The following GABRB1 variants were observed in gnomAD, a reference collection of about 807,000 sequenced individuals.
GABRB1 encodes gamma-aminobutyric acid receptor subunit beta-1.
A neutral mutation model predicts 51.6 loss-of-function variants in GABRB1; 17 were observed. The observed-to-expected ratio is 0.33, with a 90% confidence interval of 0.23 to 0.49. The LOEUF is 0.49. Ranked by LOEUF, GABRB1 falls within the 20% of genes least tolerant of loss-of-function variation. The pLI is 0.99. For synonymous variants in GABRB1, 247 were observed against 218.9 expected (o/e 1.13, Z -1.14); for missense variants, 410 against 600.6 (o/e 0.68, Z 3.32).
intron 4 of GABRB1, among the ~76,000 whole-genome samples, chr4:47,227,162 C>T (rs1038601845): frequency 1.3e-5 from 2 of 152,120 alleles, no homozygotes; most frequent in Non-Finnish European, 2.9e-5. Context: ...TTAAATCTGG[C>T]TCTGCAGCTT....
At chr4:47,154,523 G>A (rs988906615) in intron 3 of GABRB1, among the ~76,000 whole-genome samples, 1 of 151,986 alleles carries the variant, frequency 6.6e-6, no homozygotes, top group Admixed American at 6.6e-5. Flanking sequence ...AGTTCAGGGA[G>A]GTGGGCTAGA....
chr4:47,158,753 G>A (rs879490115), intron 3 of GABRB1, among the ~76,000 whole-genome samples: 9 of 151,928 alleles, frequency 5.9e-5, no homozygotes, highest in Admixed American at 4.6e-4. Flanking sequence ...ATGGCCAACT[G>A]AGTCCATCTG....
chr4:47,089,189 G>A (rs1231582401), intron 3 of GABRB1, among the ~76,000 whole-genome samples: 1 of 152,158 alleles, frequency 6.6e-6, no homozygotes, highest in Non-Finnish European at 1.5e-5. Flanking sequence ...GGGATCTCTA[G>A]TTTGCAGTCT....
chr4:47,121,903 T>A (rs762239017), intron 3 of GABRB1, among the ~76,000 whole-genome samples: 68 of 152,218 alleles, frequency 4.5e-4, no homozygotes, highest in Non-Finnish European at 8.2e-4. Flanking sequence ...TGCATTTAAT[T>A]TCTTAAAGCT....
chr4:47,046,243 C>A (rs973443934), intron 3 of GABRB1, among the ~76,000 whole-genome samples: 9 of 152,014 alleles, frequency 5.9e-5, no homozygotes, highest in Non-Finnish European at 8.8e-5. Context: ...TTCTTCATAG[C>A]AGGGTGAGGA....
Position 47,078,459 on chromosome 4 carries a change from G to GT in GABRB1, c.240+45976dup, listed in dbSNP as rs1165579406. ...TAACTTTTCACCATTTTTATTCAAA[G>GT]TAATCTTAGCTTAATTTAAATTATT... On this transcript the variant is annotated intron_variant, in intron 3 of 8. Transcript: ENST00000295454. Among the ~76,000 whole-genome samples, 8 of 152,082 alleles carry GT rather than the reference G, an allele frequency of 5.3e-5. No homozygotes were observed. In the East Asian group the frequency reaches 1.5e-3, roughly 29 times the overall value.
intron 5 of GABRB1, among the ~76,000 whole-genome samples, chr4:47,329,386 T>G (rs944938003): frequency 6.7e-6 from 1 of 149,848 alleles, no homozygotes; most frequent in Non-Finnish European, 1.5e-5. Context: ...AAATATATAA[T>G]GTATAATATA....
At chr4:47,202,086 T>C (rs1577997107) in intron 4 of GABRB1, among the ~76,000 whole-genome samples, 2 of 152,218 alleles carry the variant, frequency 1.3e-5, no homozygotes, top group South Asian at 4.2e-4. Flanking sequence ...ATCTCATCCA[T>C]AATCCCTATA....
intron 4 of GABRB1, among the ~76,000 whole-genome samples, chr4:47,183,333 T>C (rs912265027): frequency 9.1e-6 from 1 of 110,170 alleles, no homozygotes; most frequent in Non-Finnish European, 1.8e-5. Flanking sequence ...ATCTTATCTG[T>C]ATGTGTGTGT....
intron 5 of GABRB1, among the ~76,000 whole-genome samples, chr4:47,333,914 C>T (rs181280099): frequency 8.1e-4 from 123 of 152,300 alleles, no homozygotes; most frequent in African/African-American, 2.7e-3. Context: ...TACGTTATTG[C>T]ATTGATTCCA....
intron 4 of GABRB1, among the ~76,000 whole-genome samples, chr4:47,240,150 TG>T (rs1033213634): frequency 1.3e-5 from 2 of 152,184 alleles, no homozygotes; most frequent in African/African-American, 2.4e-5. Context: ...ATTTATTATT[TG>T]GGATGACTTT....
At chr4:47,360,760 A>T (rs1196532204) in intron 5 of GABRB1, among the ~76,000 whole-genome samples, 2 of 152,094 alleles carry the variant, frequency 1.3e-5, no homozygotes, top group African/African-American at 4.8e-5. Flanking sequence ...GTGTTATTAT[A>T]TAGAGAGTAA....
chr4:47,048,814 T>C (rs906889501), intron 3 of GABRB1, among the ~76,000 whole-genome samples: 6 of 152,096 alleles, frequency 3.9e-5, no homozygotes, highest in African/African-American at 1.2e-4. Context: ...CCTTTCTCAT[T>C]TTATCCAACA....
chr4:47,032,370 C>T (rs773835837), intron 2 of GABRB1, 47 bp from the exon 3 acceptor site: 4 of 1,506,276 alleles, frequency 2.7e-6, no homozygotes, highest in Non-Finnish European at 2.7e-6. Flanking sequence ...CCCCAGCCTG[C>T]TGTCACTGAG....
intron 4 of GABRB1, among the ~76,000 whole-genome samples, chr4:47,208,011 A>T (rs932134314): frequency 9.2e-5 from 14 of 152,110 alleles, no homozygotes; most frequent in African/African-American, 3.4e-4. Flanking sequence ...TGACAAAAAA[A>T]AATGATTTTT....
intron 3 of GABRB1, among the ~76,000 whole-genome samples, chr4:47,074,217 A>C (rs541223062): frequency 1.3e-5 from 2 of 152,238 alleles, no homozygotes; most frequent in South Asian, 2.1e-4. Flanking sequence ...AAGATAGTAT[A>C]TTAAAAATGC....
chr4:47,246,299 T>TACACAC lies in GABRB1; in HGVS notation c.462-73802_462-73797dup, dbSNP rs59187371. On this transcript the variant is annotated intron_variant, in intron 4 of 8. Coordinates refer to ENST00000295454, the MANE Select transcript of GABRB1 (RefSeq NM_000812.4). ...CATCATATATATATATATATATATA[T>TACACAC]ACACACACACACACACACACACACA... 3.6e-5 allele frequency among the ~76,000 whole-genome samples: 3 copies of TACACAC among 84,170 alleles called. 1 individual carries two copies. Among genetic ancestry groups the TACACAC allele is most frequent in the African/African-American group, 1.4e-4 (3 of 21,290 alleles). The allele number at this position is 84,170 out of a possible 152,430, so 55.2% of individuals were successfully genotyped here.
chr4:47,287,649 G>C (rs1192885407), intron 4 of GABRB1, among the ~76,000 whole-genome samples: 1 of 152,108 alleles, frequency 6.6e-6, no homozygotes, highest in Non-Finnish European at 1.5e-5. Context: ...CCCTTCCTTT[G>C]AGTTTGTTTG....
upstream of GABRB1, among the ~76,000 whole-genome samples, chr4:47,029,541 AAAG>A (rs1725216738): frequency 6.6e-6 from 1 of 151,972 alleles, no homozygotes; most frequent in Non-Finnish European, 1.5e-5. Context: ...CTTTGGATTT[AAAG>A]AAGGTTACAT....
Sources: gnomAD v4.1 joint callset for allele counts (sites outside exome capture counted in the v4.1 genomes callset) on GRCh38, gnomAD v4.1.1 for gene constraint, MANE v1.5 for transcripts, NCBI Gene and HGNC (gene_info 2026-07-23, HGNC 2026-07-21) for gene names.